Variants in SHISA9 observed in about 807,000 individuals in gnomAD.
SHISA9 encodes shisa family member 9, also known as protein shisa-9.
SHISA9 carries 13 observed loss-of-function variants against 38.0 expected under a neutral mutation model. That is an observed-to-expected ratio of 0.34 (90% CI 0.22 to 0.54). SHISA9 has a LOEUF of 0.54. SHISA9 is among the 20% of genes least tolerant of loss of function. The pLI, the probability that SHISA9 is intolerant of heterozygous loss-of-function variation, is 0.91. For synonymous variants in SHISA9, 275 were observed against 242.0 expected (o/e 1.14, Z -1.27); for missense variants, 538 against 575.8 (o/e 0.93, Z 0.67).
At chr16:13,405,424 G>T in the SHISA9 span, among the ~76,000 whole-genome samples, 1 of 152,224 alleles carries the variant, frequency 6.6e-6, no homozygotes, top group Non-Finnish European at 1.5e-5. Context: ...CGCTCTGCAA[G>T]AGATTTTCTG....
the SHISA9 span, among the ~76,000 whole-genome samples, chr16:13,490,007 A>G: frequency 6.6e-6 from 1 of 152,188 alleles, no homozygotes. Context: ...GGTTAAATCA[A>G]ATGAAATTGG....
chr16:13,435,273 A>AGCACTTAGAACT, the SHISA9 span, among the ~76,000 whole-genome samples: 2 of 151,846 alleles, frequency 1.3e-5, no homozygotes, highest in Non-Finnish European at 2.9e-5. Context: ...ATATGTCAGG[A>AGCACTTAGAACT]GCACTTAGAA....
chr16:13,517,106 G>T, the SHISA9 span, among the ~76,000 whole-genome samples: 2 of 152,132 alleles, frequency 1.3e-5, no homozygotes, highest in African/African-American at 4.8e-5. Flanking sequence ...CCAGTAGCTG[G>T]TATCTTTCTA....
chr16:13,410,927 T>A, the SHISA9 span, among the ~76,000 whole-genome samples: 1 of 152,266 alleles, frequency 6.6e-6, no homozygotes, highest in East Asian at 1.9e-4. Flanking sequence ...AAAGAAGCAA[T>A]TGTCATTAAT....
At chr16:13,421,956 G>T in the SHISA9 span, among the ~76,000 whole-genome samples, 1 of 152,214 alleles carries the variant, frequency 6.6e-6, no homozygotes, top group Non-Finnish European at 1.5e-5. Flanking sequence ...TGCCCATGTG[G>T]TGATCTAAGC....
chr16:13,243,839 C>G (rs1436337427), downstream of SHISA9, among the ~76,000 whole-genome samples: 4 of 130,700 alleles, frequency 3.1e-5, no homozygotes, highest in African/African-American at 1.1e-4. Flanking sequence ...GTGGCGCAAT[C>G]TTAGTTCACT....
At chr16:13,383,624 C>T in the SHISA9 span, among the ~76,000 whole-genome samples, 1 of 152,098 alleles carries the variant, frequency 6.6e-6, no homozygotes, top group Non-Finnish European at 1.5e-5. Flanking sequence ...GCACCAGCCA[C>T]AATTATGTTT....
downstream of SHISA9, among the ~76,000 whole-genome samples, chr16:13,244,696 TG>T (rs1212384739): frequency 1.3e-5 from 2 of 152,214 alleles, no homozygotes; most frequent in Non-Finnish European, 2.9e-5. Flanking sequence ...TCCGACTACA[TG>T]GGGTTTGTCG....
At chr16:12,923,780 G>T (rs2071359054) in intron 2 of SHISA9, among the ~76,000 whole-genome samples, 2 of 151,882 alleles carry the variant, frequency 1.3e-5, no homozygotes, top group Admixed American at 1.3e-4. Context: ...GGCGGAGCTT[G>T]CAGTGAGCCG....
intron 2 of SHISA9, among the ~76,000 whole-genome samples, chr16:12,997,952 C>T (rs115389676): frequency 4.5e-4 from 68 of 152,300 alleles, no homozygotes; most frequent in African/African-American, 1.3e-3. Context: ...ATGTTATACA[C>T]GGCGTGTAAT....
intron 2 of SHISA9, among the ~76,000 whole-genome samples, chr16:12,985,417 T>A (rs780676646): frequency 3.9e-5 from 6 of 152,064 alleles, no homozygotes; most frequent in Non-Finnish European, 8.8e-5. Flanking sequence ...AGTTTGTGCA[T>A]CTGTGAAAAG....
chr16:13,033,755 T>C (rs1217787382), intron 2 of SHISA9, among the ~76,000 whole-genome samples: 1 of 152,158 alleles, frequency 6.6e-6, no homozygotes, highest in Non-Finnish European at 1.5e-5. Context: ...GATAAGGAAG[T>C]TCTTCCCAAC....
chr16:13,075,302 ATGT>A (rs1468097453), intron 2 of SHISA9, among the ~76,000 whole-genome samples: 1 of 152,186 alleles, frequency 6.6e-6, no homozygotes, highest in African/African-American at 2.4e-5. Flanking sequence ...ATTATTCACC[ATGT>A]TGTGATCTCT....
At chr16:13,482,846 G>A in the SHISA9 span, among the ~76,000 whole-genome samples, 3 of 148,590 alleles carry the variant, frequency 2.0e-5, no homozygotes, top group African/African-American at 4.9e-5. Context: ...CAAGGTCACC[G>A]AGTCAGTAGG....
At chr16:13,318,168 G>C in the SHISA9 span, among the ~76,000 whole-genome samples, 1 of 152,010 alleles carries the variant, frequency 6.6e-6, no homozygotes, top group South Asian at 2.1e-4. Flanking sequence ...GAATAAACTA[G>C]GTTTCCCAAC....
At chr16:13,517,174 C>T in the SHISA9 span, among the ~76,000 whole-genome samples, 196 of 152,204 alleles carry the variant, frequency 1.3e-3, 2 homozygotes, top group African/African-American at 4.6e-3. Flanking sequence ...AAGAAAAAAG[C>T]AGAGAGTGGA....
At chr16:13,134,741 A>G (rs1210786920) in intron 2 of SHISA9, among the ~76,000 whole-genome samples, 1 of 152,154 alleles carries the variant, frequency 6.6e-6, no homozygotes, top group Admixed American at 6.6e-5. Context: ...TTATGTTGCC[A>G]TAACAAGTAT....
the SHISA9 span, among the ~76,000 whole-genome samples, chr16:13,542,963 C>T: frequency 6.6e-6 from 1 of 152,306 alleles, no homozygotes; most frequent in South Asian, 2.1e-4. Context: ...TTAGCAACTC[C>T]AATAGTGATT....
At chr16:13,135,081 A>G (rs1224997875) in intron 2 of SHISA9, among the ~76,000 whole-genome samples, 1 of 152,222 alleles carries the variant, frequency 6.6e-6, no homozygotes, top group African/African-American at 2.4e-5. Context: ...TCAATTCATT[A>G]GCTAAAACAA....
Sources: allele counts gnomAD v4.1 joint callset (sites outside exome capture counted in the v4.1 genomes callset), GRCh38; gene constraint gnomAD v4.1.1; transcripts MANE v1.5; gene names NCBI Gene and HGNC (gene_info 2026-07-23, HGNC 2026-07-21).